Variants in GRIK1 observed in about 807,000 individuals in gnomAD.
GRIK1 encodes the protein glutamate receptor ionotropic, kainate 1.
In GRIK1, 69 loss-of-function variants were observed where a neutral mutation model predicts 105.7. The observed-to-expected ratio is 0.65, with a 90% CI of 0.54 to 0.80. GRIK1 has a LOEUF of 0.80. GRIK1 is among the 30% of genes least tolerant of loss of function. The pLI, the probability that GRIK1 is intolerant of heterozygous loss-of-function variation, is 0.00. For synonymous variants in GRIK1, 438 were observed against 431.3 expected (o/e 1.02, Z -0.19); for missense variants, 1,109 against 1,167.3 (o/e 0.95, Z 0.73).
intron 1 of GRIK1, among the ~76,000 whole-genome samples, chr21:29,751,126 A>G (rs2065190506): frequency 6.6e-6 from 1 of 152,090 alleles, no homozygotes; most frequent in South Asian, 2.1e-4. Context: ...TGGACCAGCC[A>G]TTTTCACTTC....
intron 3 of GRIK1, among the ~76,000 whole-genome samples, chr21:29,676,837 G>T (rs993731840): frequency 2.0e-5 from 3 of 152,150 alleles, no homozygotes; most frequent in Non-Finnish European, 4.4e-5. Context: ...CTGAATCAAA[G>T]GAGATGAAAG....
chr21:29,619,318 G>T (rs1185892780), intron 7 of GRIK1, among the ~76,000 whole-genome samples: 3 of 144,586 alleles, frequency 2.1e-5, no homozygotes, highest in Non-Finnish European at 1.5e-5. Context: ...GCACCTGTAG[G>T]CCCAGCTACT....
chr21:29,592,416 C>G (rs1417687819), intron 9 of GRIK1, among the ~76,000 whole-genome samples: 1 of 152,184 alleles, frequency 6.6e-6, no homozygotes, highest in Non-Finnish European at 1.5e-5. Flanking sequence ...CCAAGTCACT[C>G]CTGGGTTGTG....
chr21:29,891,341 C>T (rs562171466), intron 1 of GRIK1, among the ~76,000 whole-genome samples: 2 of 152,286 alleles, frequency 1.3e-5, no homozygotes, highest in South Asian at 2.1e-4. Flanking sequence ...ATGATTCAAA[C>T]GTGGAGAAGG....
At chr21:29,874,705 T>C (rs2069132231) in intron 1 of GRIK1, among the ~76,000 whole-genome samples, 2 of 152,216 alleles carry the variant, frequency 1.3e-5, no homozygotes, top group African/African-American at 4.8e-5. Context: ...GGAAGACAAA[T>C]GCAGTAATTC....
At chr21:29,632,908 G>A (rs987680280) in intron 7 of GRIK1, among the ~76,000 whole-genome samples, 1 of 152,160 alleles carries the variant, frequency 6.6e-6, no homozygotes, top group Admixed American at 6.5e-5. Flanking sequence ...TCAGGAATAG[G>A]TGTCTTAGTG....
At chr21:29,601,278 C>T (rs777473545) in intron 7 of GRIK1, 12 of 490,182 alleles carry the variant, frequency 2.4e-5, no homozygotes, top group Non-Finnish European at 3.8e-5. Context: ...ATTACATCAT[C>T]GATGCTCTTC....
At chr21:29,743,711 A>G (rs982284773) in intron 1 of GRIK1, among the ~76,000 whole-genome samples, 5 of 152,110 alleles carry the variant, frequency 3.3e-5, no homozygotes, top group African/African-American at 1.2e-4. Context: ...AAATATATAT[A>G]TAAAAGAAAT....
chr21:29,757,187 A>G (rs1009891135), intron 1 of GRIK1, among the ~76,000 whole-genome samples: 1 of 152,146 alleles, frequency 6.6e-6, no homozygotes. Flanking sequence ...TGAAATGTAT[A>G]TTTCCCAACC....
chr21:29,553,302 T>C, intron 16 of GRIK1: 16 of 1,089,048 alleles, frequency 1.5e-5, no homozygotes, highest in Non-Finnish European at 1.8e-5. Context: ...ACTAAGATGA[T>C]GAGTGGGACA....
intron 7 of GRIK1, among the ~76,000 whole-genome samples, chr21:29,611,629 A>G (rs757779180): frequency 2.6e-5 from 4 of 152,108 alleles, no homozygotes; most frequent in Non-Finnish European, 4.4e-5. Context: ...TATTGAGAGG[A>G]AAGAGATCCT....
In GRIK1 at chr21:29,560,482, CCTTT is replaced by C. The variant is rs1280879301; in HGVS notation, c.2356+1138_2356+1141del. On this transcript the variant is annotated intron_variant, in intron 15 of 17. Transcript: ENST00000327783. ...TTCCTTCCTTTCCTTTCTCTCTCTC[CCTTT>C]CTTTCTTTCTTTCCTTCCTTCCTTC... is the stretch of plus-strand genomic sequence containing the variant. 2.9e-4 allele frequency among the ~76,000 whole-genome samples: 32 copies of C among 108,718 alleles called. 3 individuals are homozygous for C. The highest frequency in any genetic ancestry group is 1.8e-3 in the East Asian group (6 of 3,408). The allele number at this position is 108,718 out of a possible 152,430, so 71.3% of individuals were successfully genotyped here. A position where few individuals can be genotyped will look rare whatever the true frequency, so the allele number is the denominator to read the frequency against.
In GRIK1 at chr21:29,693,918, A is replaced by T. The variant is rs755970494; in HGVS notation, c.264T>A (p.Asp88Glu). The T allele has an allele frequency of 6.2e-7, 1 of 1,613,436 alleles. No homozygotes were observed. The highest frequency in any genetic ancestry group is 1.1e-5 in the South Asian group (1 of 91,010). The change falls in exon 2 of 18, where the codon GAT becomes GAA. Residue 88 changes from aspartate to glutamate, a missense_variant. Coordinates refer to ENST00000327783, the MANE Select transcript of GRIK1 (RefSeq NM_001330994.2). ...TYDIQRINLFDSFEASRRACD... is the reference protein window; with the variant it reads ...TYDIQRINLFESFEASRRACD... ...TACCTCTCCGCGAGGCTTCAAAACT[A>T]TCAAAAAGGTTAATTCTCTGGATGT...
chr21:29,702,468 T>G (rs1387333347), intron 1 of GRIK1, among the ~76,000 whole-genome samples: 2 of 152,142 alleles, frequency 1.3e-5, no homozygotes, highest in Admixed American at 6.5e-5. Flanking sequence ...GGAGTAAGTG[T>G]AGATTTAAAG....
At chr21:29,762,294 T>C (rs1210919136) in intron 1 of GRIK1, among the ~76,000 whole-genome samples, 1 of 152,232 alleles carries the variant, frequency 6.6e-6, no homozygotes, top group Admixed American at 6.5e-5. Context: ...ATGAATAACA[T>C]TCTGAGATCA....
chr21:29,844,094 C>T (rs191569755), intron 1 of GRIK1, among the ~76,000 whole-genome samples: 15 of 152,258 alleles, frequency 9.9e-5, no homozygotes, highest in Admixed American at 9.8e-4. Flanking sequence ...AGTATGCACT[C>T]AGTGGTTTAT....
At chr21:29,754,703 C>T (rs1160985229) in intron 1 of GRIK1, among the ~76,000 whole-genome samples, 1 of 152,144 alleles carries the variant, frequency 6.6e-6, no homozygotes, top group Non-Finnish European at 1.5e-5. Flanking sequence ...TTAGCATCTG[C>T]AATCTGTTCA....
Position 29,598,763 on chromosome 21 carries a change from C to T in GRIK1, c.1206+67G>A, listed in dbSNP as rs772058012. The T allele has an allele frequency of 5.6e-6, 4 of 714,506 alleles. No individual in the cohort carries two copies. In the Admixed American group the frequency reaches 7.2e-5, roughly 13 times the overall value. 44.3% of individuals were successfully genotyped at this position (714,506 alleles called of 1,614,324 possible). On this transcript the variant is annotated intron_variant, in intron 8 of 17. Coordinates refer to ENST00000327783, the MANE Select transcript of GRIK1 (RefSeq NM_001330994.2). ...TTCATCATTCACCTACTTGTCTTTG[C>T]AATTTAGTAAAAATGCCTGAACAAT...
chr21:29,618,796 T>C (rs2061911295), intron 7 of GRIK1, among the ~76,000 whole-genome samples: 1 of 152,122 alleles, frequency 6.6e-6, no homozygotes, highest in Admixed American at 6.5e-5. Flanking sequence ...TTCTCACTCA[T>C]AAATGGGAGC....
Sources: gnomAD v4.1 joint callset for allele counts (sites outside exome capture counted in the v4.1 genomes callset) on GRCh38, gnomAD v4.1.1 for gene constraint, MANE v1.5 for transcripts, NCBI Gene and HGNC (gene_info 2026-07-23, HGNC 2026-07-21) for gene names.